Variants in FGF14 observed in about 807,000 individuals in gnomAD.
The protein encoded by FGF14 is fibroblast growth factor homologous factor 4.
Under a neutral mutation model 25.5 loss-of-function variants are expected in FGF14, and 5 were observed. The ratio of observed to expected loss-of-function variants is 0.20; its 90% CI spans 0.10 to 0.41. The LOEUF is 0.41. Ranked by LOEUF, FGF14 falls within the 10% of genes least tolerant of loss-of-function variation. The pLI is 1.00. For missense variants in FGF14, 222 were observed against 320.1 expected (o/e 0.69, Z 2.34); for synonymous variants, 138 against 118.3 (o/e 1.17, Z -1.08).
At chr13:101,786,481 G>A (rs78121489) in intron 3 of FGF14, among the ~76,000 whole-genome samples, 4,276 of 152,196 alleles carry the variant, frequency 0.028, 97 homozygotes, top group Non-Finnish European at 0.038. Context: ...GAAAGTCTAA[G>A]GTCTACGGAA....
At chr13:101,842,794 C>T (rs1452521165) in intron 3 of FGF14, among the ~76,000 whole-genome samples, 3 of 151,998 alleles carry the variant, frequency 2.0e-5, no homozygotes, top group East Asian at 1.9e-4. Context: ...TCTATTACAT[C>T]ATGCATGCCA....
chr13:101,745,636 T>G lies in FGF14; in HGVS notation c.409-18826A>C, dbSNP rs575604614. On this transcript the variant is annotated intron_variant, in intron 3 of 4. Transcript: ENST00000376143. ...ATGTAGTCTTTACAAGTAGGTCTATTTAACTTAGCAATATGCATTTAAGCT... is the reference window on the plus strand; with the variant it reads ...ATGTAGTCTTTACAAGTAGGTCTATGTAACTTAGCAATATGCATTTAAGCT... Among the ~76,000 whole-genome samples the G allele has an allele frequency of 2.6e-5, 4 of 152,242 alleles. No homozygotes were observed. The East Asian group carries it at 7.7e-4, about 29-fold the overall frequency.
At chr13:102,161,414 G>T (rs906116747) in intron 1 of FGF14, among the ~76,000 whole-genome samples, 4 of 152,034 alleles carry the variant, frequency 2.6e-5, no homozygotes, top group Non-Finnish European at 5.9e-5. Context: ...CCTAGTGTCT[G>T]CTGGCTAAAG....
rs2040862768 is a variant in FGF14 at position 102,025,180 on chromosome 13, G to T, written c.209-149884C>A. Among the ~76,000 whole-genome samples, 3 of 151,660 alleles carry T rather than the reference G, an allele frequency of 2.0e-5. No individual in the cohort carries two copies. The South Asian group carries it at 6.2e-4, about 32-fold the overall frequency. On this transcript the variant is annotated intron_variant, in intron 1 of 4. Transcript: ENST00000376131. ...TGTTTCGGCTATAAGTCCCTTCAAT[G>T]TCCATATAAACTTTAGGATCAGGTT...
chr13:102,067,235 G>A (rs377202852), intron 1 of FGF14, among the ~76,000 whole-genome samples: 11 of 152,220 alleles, frequency 7.2e-5, no homozygotes, highest in Middle Eastern at 3.4e-3. Flanking sequence ...ATAACTATGC[G>A]TATTTAGTTG....
intron 1 of FGF14, among the ~76,000 whole-genome samples, chr13:102,114,221 A>G (rs1400591641): frequency 1.3e-5 from 2 of 152,224 alleles, no homozygotes; most frequent in Non-Finnish European, 2.9e-5. Context: ...TTCTGAAGAA[A>G]TATCGAGTTC....
chr13:102,149,315 G>C (rs2046983108), intron 1 of FGF14, among the ~76,000 whole-genome samples: 1 of 152,024 alleles, frequency 6.6e-6, no homozygotes, highest in African/African-American at 2.4e-5. Context: ...CTGCAAACAG[G>C]TGTTACTTAA....
chr13:102,350,075 T>A (rs552594165), intron 1 of FGF14, among the ~76,000 whole-genome samples: 10 of 152,276 alleles, frequency 6.6e-5, no homozygotes, highest in African/African-American at 2.2e-4. Context: ...TGTGAAAACA[T>A]TCATTAATAA....
At chr13:101,780,260 C>T (rs753902482) in intron 3 of FGF14, among the ~76,000 whole-genome samples, 14 of 152,192 alleles carry the variant, frequency 9.2e-5, no homozygotes, top group Non-Finnish European at 2.1e-4. Flanking sequence ...ATACTACAAA[C>T]TGTGTGGAGT....
At chr13:102,006,674 C>T (rs2039804789) in intron 1 of FGF14, among the ~76,000 whole-genome samples, 2 of 148,188 alleles carry the variant, frequency 1.3e-5, no homozygotes, top group Admixed American at 1.4e-4. Context: ...AATAAATAAC[C>T]AAAGGCCTTG....
intron 1 of FGF14, among the ~76,000 whole-genome samples, chr13:101,969,347 A>G (rs1009831092): frequency 6.6e-6 from 1 of 152,160 alleles, no homozygotes; most frequent in Non-Finnish European, 1.5e-5. Context: ...GCGGATCACA[A>G]GGTCAGGAGA....
At chr13:101,726,271 C>T (rs952705712) in intron 4 of FGF14, among the ~76,000 whole-genome samples, 3 of 151,826 alleles carry the variant, frequency 2.0e-5, no homozygotes, top group African/African-American at 7.3e-5. Context: ...TACTTATCAT[C>T]GCAGATTTGT....
chr13:101,737,735 CCATACG>C (rs2036282009), intron 3 of FGF14, among the ~76,000 whole-genome samples: 1 of 152,080 alleles, frequency 6.6e-6, no homozygotes, highest in Non-Finnish European at 1.5e-5. Flanking sequence ...TCTTGCAATT[CCATACG>C]CTTCTCTCCT....
intron 1 of FGF14, among the ~76,000 whole-genome samples, chr13:102,041,132 T>C (rs574994): frequency 0.035 from 5,324 of 151,806 alleles, 285 homozygotes; most frequent in African/African-American, 0.12. Flanking sequence ...TATTTGCCAA[T>C]CTGAAAAAAA....
At chr13:102,378,640 T>G (rs1455836568) in intron 1 of FGF14, among the ~76,000 whole-genome samples, 3 of 150,912 alleles carry the variant, frequency 2.0e-5, no homozygotes, top group African/African-American at 7.3e-5. Context: ...TCTATATATA[T>G]ATATATCTTC....
At chr13:101,985,958 A>G (rs963074110) in intron 1 of FGF14, among the ~76,000 whole-genome samples, 2 of 152,134 alleles carry the variant, frequency 1.3e-5, no homozygotes, top group African/African-American at 4.8e-5. Flanking sequence ...TACCTAAGAT[A>G]AGGGTTTACA....
In FGF14 at chr13:102,112,754, T is replaced by C. The variant is rs2045293794; in HGVS notation, c.209-237458A>G. Among the ~76,000 whole-genome samples, 4 of 152,214 alleles carry C rather than the reference T, an allele frequency of 2.6e-5. No individual in the cohort carries two copies. The South Asian group carries it at 8.3e-4, about 32-fold the overall frequency. ...TTAAAACATGTGCAGCACTTTATAGTTTCTGCACTCTACACTTTAATTTCT... is the reference window on the plus strand; with the variant it reads ...TTAAAACATGTGCAGCACTTTATAGCTTCTGCACTCTACACTTTAATTTCT... On this transcript the variant is annotated intron_variant, in intron 1 of 4. Coordinates refer to the FGF14 transcript ENST00000376131.
chr13:102,052,201 T>C (rs943622980), intron 1 of FGF14, among the ~76,000 whole-genome samples: 5 of 152,016 alleles, frequency 3.3e-5, no homozygotes, highest in Non-Finnish European at 5.9e-5. Context: ...TGAAAATATA[T>C]AATCAGAAAA....
intron 1 of FGF14, among the ~76,000 whole-genome samples, chr13:102,282,804 C>A (rs2053911014): frequency 6.6e-6 from 1 of 151,016 alleles, no homozygotes; most frequent in African/African-American, 2.4e-5. Flanking sequence ...TTCCATTGGC[C>A]AAGGCTGATC....
Sources: gnomAD v4.1 joint callset for allele counts (sites outside exome capture counted in the v4.1 genomes callset) on GRCh38, gnomAD v4.1.1 for gene constraint, MANE v1.5 for transcripts, NCBI Gene and HGNC (gene_info 2026-07-23, HGNC 2026-07-21) for gene names.